RAPGEF6: variants seen among roughly 807,000 people sequenced by gnomAD.
RAPGEF6 encodes Rap guanine nucleotide exchange factor 6.
Under a neutral mutation model 171.4 loss-of-function variants are expected in RAPGEF6, and 56 were observed. That is an observed-to-expected ratio of 0.33 (90% CI 0.26 to 0.41). RAPGEF6 has a LOEUF of 0.41. RAPGEF6 is among the 10% of genes least tolerant of loss of function. The probability of loss-of-function intolerance (pLI) is 1.00; values close to 1 mark genes in which losing one functional copy is unlikely to be tolerated. For synonymous variants in RAPGEF6, 692 were observed against 650.1 expected, an observed-to-expected ratio of 1.06 and a Z score of -0.98; for missense variants, 1,674 against 1,921.4, an observed-to-expected ratio of 0.87 and a Z score of 2.41.
chr5:131,498,620 G>C lies in RAPGEF6; in HGVS notation c.1255-13C>G, dbSNP rs1271770464. On this transcript the variant is annotated splice_polypyrimidine_tract_variant and intron_variant, in intron 11 of 27. Coordinates refer to ENST00000509018, the MANE Select transcript of RAPGEF6 (RefSeq NM_016340.6). ...GCTCAGGTGTTGCCTAAAAATCCAA[G>C]GATAGGAAGGATTAGAAAATAAACA... The C allele has an allele frequency of 6.2e-7, 1 of 1,606,330 alleles. No individual in the cohort carries two copies. Among genetic ancestry groups the C allele is most frequent in the Non-Finnish European group, 8.5e-7 (1 of 1,176,728 alleles).
intron 6 of RAPGEF6, among the ~76,000 whole-genome samples, chr5:131,525,552 A>G (rs1412745669): frequency 1.3e-5 from 2 of 152,150 alleles, no homozygotes; most frequent in African/African-American, 4.8e-5. Context: ...ATATCAGAAA[A>G]GGCAGCAAAA....
At chr5:131,525,923 A>C (rs1419917413) in intron 6 of RAPGEF6, among the ~76,000 whole-genome samples, 1 of 152,162 alleles carries the variant, frequency 6.6e-6, no homozygotes, top group Non-Finnish European at 1.5e-5. Context: ...CTAAAAAGGA[A>C]GTGTTATTAT....
intron 4 of RAPGEF6, among the ~76,000 whole-genome samples, chr5:131,570,876 C>T (rs962888260): frequency 6.6e-6 from 1 of 151,322 alleles, no homozygotes; most frequent in Non-Finnish European, 1.5e-5. Context: ...AAATTTAGAG[C>T]TAAGATTACA....
At chr5:131,603,704 T>A (rs1015979629) in intron 2 of RAPGEF6, among the ~76,000 whole-genome samples, 1 of 152,118 alleles carries the variant, frequency 6.6e-6, no homozygotes. Flanking sequence ...AATTGCTGAA[T>A]ATATAAATCA....
At chr5:131,498,725 T>C in intron 11 of RAPGEF6, 118 bp from the exon 12 acceptor site, 1 of 959,850 alleles carries the variant, frequency 1.0e-6, no homozygotes, top group Non-Finnish European at 1.6e-6. Flanking sequence ...AAAGTACAGT[T>C]TCGCCTTTAA....
intron 4 of RAPGEF6, among the ~76,000 whole-genome samples, chr5:131,591,711 C>T (rs1354834069): frequency 6.6e-6 from 1 of 152,114 alleles, no homozygotes; most frequent in Non-Finnish European, 1.5e-5. Flanking sequence ...TGTCCAAAGT[C>T]ACATAACTAG....
In RAPGEF6 at chr5:131,504,787, G is replaced by A; in HGVS notation, c.1102-9C>T. On this transcript the variant is annotated splice_polypyrimidine_tract_variant and intron_variant, in intron 10 of 27. Transcript: ENST00000509018. ...TGGGCTATGCAGACAAACTGTCCAA[G>A]AACAACATGGGGACAGTTAATGAAC... 6.2e-7 allele frequency: 1 copy of A among 1,606,784 alleles called. No individual in the cohort carries two copies. Among genetic ancestry groups the A allele is most frequent in the Non-Finnish European group, 8.5e-7 (1 of 1,176,530 alleles).
chr5:131,508,205 G>A lies in RAPGEF6; in HGVS notation c.808C>T (p.Gln270Ter). Residue 270 changes from glutamine (Q) to a stop codon, truncating the protein, a stop_gained and splice_region_variant, in exon 9 of 28, where the codon CAA becomes TAA. Transcript: ENST00000509018. LOFTEE classifies it high-confidence loss of function. ...AGCTGGTGCATAAACTCCAGCAATT[G>A]TTCTATAAGAAAACAGAAATTCTGG... ...PADKTDDDIE[Q>*]LLEFMHQLPA... 1 of 1,604,746 alleles carries A rather than the reference G, an allele frequency of 6.2e-7. No homozygotes were observed. Among genetic ancestry groups the A allele is most frequent in the Non-Finnish European group, 8.5e-7 (1 of 1,176,552 alleles).
chr5:131,522,752 G>A (rs1227455468), intron 6 of RAPGEF6, among the ~76,000 whole-genome samples: 1 of 152,126 alleles, frequency 6.6e-6, no homozygotes, highest in Non-Finnish European at 1.5e-5. Flanking sequence ...AAAAGGCCAA[G>A]AAGTACCTGT....
chr5:131,467,792 G>A lies in RAPGEF6; in HGVS notation c.2240-3511C>T, dbSNP rs182854194. Among the ~76,000 whole-genome samples, 3 of 152,294 alleles carry A rather than the reference G, an allele frequency of 2.0e-5. No individual in the cohort carries two copies. In the East Asian group the frequency reaches 5.8e-4, roughly 29 times the overall value. The stretch of plus-strand genomic sequence containing the variant: ...CATGCTTATAATTCTAGCACTTTAG[G>A]GGGCTGAGGTGGGCAGACCACTTGA... On this transcript the variant is annotated intron_variant, in intron 17 of 27. Transcript: ENST00000509018.
chr5:131,442,039 C>T (rs1229770691), intron 23 of RAPGEF6, among the ~76,000 whole-genome samples: 1 of 152,164 alleles, frequency 6.6e-6, no homozygotes, highest in Admixed American at 6.5e-5. Context: ...TAGGTTGCAT[C>T]TGTATTGGAT....
chr5:131,437,006 C>T (rs1458078861), intron 24 of RAPGEF6, among the ~76,000 whole-genome samples: 4 of 152,162 alleles, frequency 2.6e-5, no homozygotes, highest in African/African-American at 4.8e-5. Context: ...AAGAACAGAT[C>T]TCCAAGTTTA....
At chr5:131,485,424 T>C (rs1281931247) in intron 15 of RAPGEF6, among the ~76,000 whole-genome samples, 2 of 152,184 alleles carry the variant, frequency 1.3e-5, no homozygotes, top group African/African-American at 2.4e-5. Flanking sequence ...CTGTGAGCAC[T>C]TGCATGAAAA....
Position 131,431,164 on chromosome 5 carries a change from A to G in RAPGEF6, c.4160T>C (p.Phe1387Ser), listed in dbSNP as rs1434490611. ...ATGGGTATGTCTGTAAGAGTTCAAA[A>G]AATCCCAGCTTTTTGGGTTTGGAAG... ...QSLPNPKSWD[F>S]LNSYRHTHLD... The change falls in exon 26 of 28, where the codon TTT (phenylalanine) becomes TCT (serine). Residue 1387 changes from phenylalanine (F) to serine (S), a missense_variant. Transcript: ENST00000509018. 4.3e-6 allele frequency: 7 copies of G among 1,614,216 alleles called. No individual in the cohort carries two copies. Among genetic ancestry groups the G allele is most frequent in the Non-Finnish European group, 5.9e-6 (7 of 1,180,044 alleles).
At chr5:131,542,647 A>G (rs979739377) in intron 6 of RAPGEF6, among the ~76,000 whole-genome samples, 1 of 152,208 alleles carries the variant, frequency 6.6e-6, no homozygotes, top group Non-Finnish European at 1.5e-5. Context: ...CAGGCACATA[A>G]ACAAGATATT....
At position 131,433,447 on chromosome 5, in the gene RAPGEF6, A is replaced by G. The variant is rs764781945; in HGVS notation, c.3957T>C (p.His1319=). 6.2e-7 allele frequency: 1 copy of G among 1,611,942 alleles called. No homozygotes were observed. Among genetic ancestry groups the G allele is most frequent in the South Asian group, 1.1e-5 (1 of 91,020 alleles). The part of the protein sequence containing the change: ...KTEHASGIGD[H]SQHGPGWTLL... ...ATGCTTACCCAGGGCCATGTTGACT[A>G]TGATCTCCTATCCCTGAAGCGTGCT... Residue 1319 remains histidine (H), a synonymous_variant, in exon 25 of 28, where the codon CAT becomes CAC. Transcript: ENST00000509018.
chr5:131,482,267 CGTGT>C (rs959550379), intron 15 of RAPGEF6, among the ~76,000 whole-genome samples: 5 of 78,466 alleles, frequency 6.4e-5, no homozygotes, highest in East Asian at 4.9e-4. Flanking sequence ...TATACACACA[CGTGT>C]GTGTATGTGT....
At chr5:131,544,527 A>G (rs1011190946) in intron 6 of RAPGEF6, among the ~76,000 whole-genome samples, 1 of 152,224 alleles carries the variant, frequency 6.6e-6, no homozygotes, top group African/African-American at 2.4e-5. Flanking sequence ...GAAAGCAGAT[A>G]AATGGTTGCT....
rs1303406693 is a variant in RAPGEF6 at position 131,424,952 on chromosome 5, C to T, written c.*2314G>A. The T allele has an allele frequency of 6.6e-6, 1 of 152,328 alleles. No individual in the cohort carries two copies. Among genetic ancestry groups the T allele is most frequent in the Middle Eastern group, 3.2e-3 (1 of 316 alleles). 9.4% of individuals were successfully genotyped at this position (152,328 alleles called of 1,614,324 possible). A position where few individuals can be genotyped will look rare whatever the true frequency, so the allele number is the denominator to read the frequency against. ...GGAGTAAATGCAGCTTAAGACTTCTCTTGTTCTAGTCATATGACAAACTAA... is the reference window on the plus strand; with the variant it reads ...GGAGTAAATGCAGCTTAAGACTTCTTTTGTTCTAGTCATATGACAAACTAA... On this transcript the variant is annotated 3_prime_UTR_variant, in exon 28 of 28. Coordinates refer to ENST00000509018, the MANE Select transcript of RAPGEF6 (RefSeq NM_016340.6).
Sources: allele counts gnomAD v4.1 joint callset (sites outside exome capture counted in the v4.1 genomes callset), GRCh38; gene constraint gnomAD v4.1.1; transcripts MANE v1.5; gene names NCBI Gene and HGNC (gene_info 2026-07-23, HGNC 2026-07-21).